The following LRRTM4 variants were observed in gnomAD, a reference collection of about 807,000 sequenced individuals.
LRRTM4 encodes the protein leucine rich repeat transmembrane neuronal 4.
In LRRTM4, 25 loss-of-function variants were observed where a neutral mutation model predicts 47.6. The ratio of observed to expected loss-of-function variants is 0.53; its 90% CI spans 0.38 to 0.73. LRRTM4 has a LOEUF of 0.73. Among genes scored for constraint, LRRTM4 ranks in the 30% least tolerant of loss-of-function variants. The probability of loss-of-function intolerance (pLI) is 0.00; values close to 1 mark genes in which losing one functional copy is unlikely to be tolerated. For missense variants in LRRTM4, 638 were observed against 713.4 expected (o/e 0.89, Z 1.20); for synonymous variants, 311 against 269.5 (o/e 1.15, Z -1.51).
chr2:76,791,706 A>C (rs778872977), intron 3 of LRRTM4, among the ~76,000 whole-genome samples: 3 of 152,240 alleles, frequency 2.0e-5, no homozygotes, highest in Non-Finnish European at 4.4e-5. Context: ...GAAATGCCAC[A>C]GTGCAAACTG....
intron 3 of LRRTM4, among the ~76,000 whole-genome samples, chr2:77,423,474 G>A (rs1674983466): frequency 1.3e-5 from 2 of 152,106 alleles, no homozygotes; most frequent in Non-Finnish European, 2.9e-5. Context: ...AACAGGGAGT[G>A]TTCTGTTTAT....
chr2:77,467,293 C>G (rs895343585), intron 3 of LRRTM4, among the ~76,000 whole-genome samples: 1 of 152,042 alleles, frequency 6.6e-6, no homozygotes, highest in Non-Finnish European at 1.5e-5. Context: ...ACCACCCTGA[C>G]GAGTGACAGC....
chr2:77,434,336 A>G (rs13396634), intron 3 of LRRTM4, among the ~76,000 whole-genome samples: 2 of 151,940 alleles, frequency 1.3e-5, no homozygotes, highest in Non-Finnish European at 2.9e-5. Flanking sequence ...AGATACCAAA[A>G]CAGGCCAATA....
chr2:77,104,843 G>A (rs1671055532), intron 3 of LRRTM4, among the ~76,000 whole-genome samples: 1 of 152,168 alleles, frequency 6.6e-6, no homozygotes, highest in Non-Finnish European at 1.5e-5. Context: ...CCCATACTGA[G>A]CAGAAACTGC....
intron 3 of LRRTM4, among the ~76,000 whole-genome samples, chr2:76,915,682 C>G (rs1406174530): frequency 6.6e-6 from 1 of 151,914 alleles, no homozygotes; most frequent in East Asian, 1.9e-4. Context: ...CTCAAATTTT[C>G]TAGGACATAC....
At chr2:77,201,506 T>C (rs936872235) in intron 3 of LRRTM4, among the ~76,000 whole-genome samples, 3 of 152,098 alleles carry the variant, frequency 2.0e-5, no homozygotes, top group Non-Finnish European at 4.4e-5. Context: ...TGACAAAACA[T>C]TTTCAGAAGC....
chr2:76,937,104 G>C (rs192963392), intron 3 of LRRTM4, among the ~76,000 whole-genome samples: 11 of 151,532 alleles, frequency 7.3e-5, no homozygotes, highest in African/African-American at 2.2e-4. Flanking sequence ...GTTATACAGA[G>C]ATAGAAAAAA....
At chr2:77,151,836 TA>T (rs1553398993) in intron 3 of LRRTM4, among the ~76,000 whole-genome samples, 1 of 152,226 alleles carries the variant, frequency 6.6e-6, no homozygotes, top group African/African-American at 2.4e-5. Context: ...AACATTTTTT[TA>T]AAAAAATATT....
intron 3 of LRRTM4, among the ~76,000 whole-genome samples, chr2:76,786,472 A>G (rs1023823129): frequency 6.6e-6 from 1 of 152,158 alleles, no homozygotes; most frequent in East Asian, 1.9e-4. Context: ...ACTCTAAAAA[A>G]ACAGTAGTTA....
intron 3 of LRRTM4, among the ~76,000 whole-genome samples, chr2:77,251,328 T>A (rs5018507): frequency 6.6e-6 from 1 of 150,464 alleles, no homozygotes; most frequent in Non-Finnish European, 1.5e-5. Flanking sequence ...ATAAAAAAGC[T>A]AAATGCACTT....
chr2:76,908,000 A>G, intron 3 of LRRTM4, among the ~76,000 whole-genome samples: 1 of 151,992 alleles, frequency 6.6e-6, no homozygotes. Flanking sequence ...TTATGAGGCC[A>G]GCATCATCCT....
At chr2:77,173,802 C>G (rs1673119428) in intron 3 of LRRTM4, among the ~76,000 whole-genome samples, 1 of 152,094 alleles carries the variant, frequency 6.6e-6, no homozygotes, top group Non-Finnish European at 1.5e-5. Context: ...AGCCCCTTCC[C>G]CCAAGATCCT....
At chr2:77,146,080 T>C (rs1042806557) in intron 3 of LRRTM4, among the ~76,000 whole-genome samples, 2 of 152,142 alleles carry the variant, frequency 1.3e-5, no homozygotes. Context: ...TGATGATATA[T>C]ATTTTACCTC....
chr2:76,784,860 G>C (rs1674588354), intron 3 of LRRTM4, among the ~76,000 whole-genome samples: 1 of 152,098 alleles, frequency 6.6e-6, no homozygotes, highest in Non-Finnish European at 1.5e-5. Context: ...GTTCAGCCCA[G>C]CATGTAGTGA....
At chr2:77,456,278 CA>C (rs560396208) in intron 3 of LRRTM4, among the ~76,000 whole-genome samples, 6 of 152,200 alleles carry the variant, frequency 3.9e-5, no homozygotes, top group Admixed American at 2.0e-4. Context: ...TATTTCCCCC[CA>C]AGTCATATAT....
chr2:77,385,007 C>A (rs1673208571), intron 3 of LRRTM4, among the ~76,000 whole-genome samples: 1 of 151,992 alleles, frequency 6.6e-6, no homozygotes. Flanking sequence ...TATGTTAATT[C>A]TCTAAATGCC....
chr2:77,020,126 C>G (rs13395244), intron 3 of LRRTM4, among the ~76,000 whole-genome samples: 23,803 of 151,636 alleles, frequency 0.16, 5,064 homozygotes, highest in African/African-American at 0.48. Context: ...TAACAAGGTA[C>G]AGGAAGAGAA....
intron 3 of LRRTM4, among the ~76,000 whole-genome samples, chr2:77,122,896 GCT>G (rs770150659): frequency 1.1e-4 from 17 of 151,682 alleles, no homozygotes; most frequent in Non-Finnish European, 2.4e-4. Flanking sequence ...GATTCAGCAG[GCT>G]CTGATTTCCT....
intron 3 of LRRTM4, among the ~76,000 whole-genome samples, chr2:77,476,963 GAT>G: frequency 9.6e-6 from 1 of 104,460 alleles, no homozygotes; most frequent in Non-Finnish European, 1.9e-5. Flanking sequence ...ATTTGTAAGA[GAT>G]GTGTGTGTGT....
Sources: allele counts gnomAD v4.1 joint callset (sites outside exome capture counted in the v4.1 genomes callset), GRCh38; gene constraint gnomAD v4.1.1; transcripts MANE v1.5; gene names NCBI Gene and HGNC (gene_info 2026-07-23, HGNC 2026-07-21).